The following AHRR variants were observed in gnomAD, a reference collection of about 807,000 sequenced individuals.
AHRR encodes aryl hydrocarbon receptor repressor, also known as ahR repressor.
A neutral mutation model predicts 44.0 loss-of-function variants in AHRR; 28 were observed. The observed-to-expected ratio is 0.64, with a 90% confidence interval of 0.47 to 0.87. The LOEUF (loss-of-function observed/expected upper bound fraction) is 0.87. AHRR is among the 40% of genes least tolerant of loss of function. The probability of loss-of-function intolerance (pLI) is 0.00; values close to 1 mark genes in which losing one functional copy is unlikely to be tolerated. For synonymous variants in AHRR, 434 were observed against 407.0 expected (o/e 1.07, Z -0.80); for missense variants, 990 against 953.9 (o/e 1.04, Z -0.50).
Position 387,614 on chromosome 5 carries a change from G to A in AHRR, c.351+10898G>A, listed in dbSNP as rs1734221449. On this transcript the variant is annotated intron_variant, in intron 4 of 10. Transcript: ENST00000684583. The surrounding 1 kb of genome is among the most constrained non-coding windows in gnomAD (Gnocchi z 5.1). ...GGATGAGGCACTGTTGGAGGTCCTGGGACAGGGGCCTGACCTCCTCAGCCT... is the reference window on the plus strand; with the variant it reads ...GGATGAGGCACTGTTGGAGGTCCTGAGACAGGGGCCTGACCTCCTCAGCCT... 6.6e-6 allele frequency among the ~76,000 whole-genome samples: 1 copy of A among 152,224 alleles called. No individual in the cohort carries two copies. The highest frequency in any genetic ancestry group is 1.5e-5 in the Non-Finnish European group (1 of 68,030).
chr5:394,885 G>T (rs574479371), intron 4 of AHRR, among the ~76,000 whole-genome samples: 2 of 152,328 alleles, frequency 1.3e-5, no homozygotes, highest in Admixed American at 1.3e-4. Flanking sequence ...GTCCTCCCCA[G>T]CCTGGGGGTT....
At position 421,842 on chromosome 5, in the gene AHRR, TGTTA is replaced by T. The variant is rs1736139532; in HGVS notation, c.442-882_442-879del. Among the ~76,000 whole-genome samples the T allele has an allele frequency of 4.6e-5, 7 of 152,330 alleles. 1 individual carries two copies. In the South Asian group the frequency reaches 1.2e-3, roughly 27 times the overall value. On this transcript the variant is annotated intron_variant, in intron 5 of 10. Coordinates refer to ENST00000684583, the MANE Select transcript of AHRR (RefSeq NM_001377236.1). ...GATGCTCGTCCCTTTAGGGTGAGTTTGTTAGTTACATTCCTCTGAAGTCTTGACT... is the reference window on the plus strand; with the variant it reads ...GATGCTCGTCCCTTTAGGGTGAGTTTGTTACATTCCTCTGAAGTCTTGACT...
intron 2 of AHRR, among the ~76,000 whole-genome samples, chr5:351,678 C>T (rs184279128): frequency 7.9e-5 from 12 of 152,304 alleles, no homozygotes; most frequent in Admixed American, 2.0e-4. Context: ...GGCTTAGCGA[C>T]GGCCCTAAGT....
intron 4 of AHRR, among the ~76,000 whole-genome samples, chr5:391,368 G>A (rs1346899061): frequency 7.0e-5 from 8 of 113,502 alleles, no homozygotes; most frequent in Non-Finnish European, 1.4e-4. Flanking sequence ...GGGCCAGAGC[G>A]TGCATGGGCG....
At chr5:415,415 G>A in intron 5 of AHRR, among the ~76,000 whole-genome samples, 1 of 136,260 alleles carries the variant, frequency 7.3e-6, no homozygotes, top group Non-Finnish European at 1.5e-5. Context: ...TCGGGTGGGA[G>A]GCCTAGGGGC....
At chr5:365,655 C>A (rs1398778148) in intron 3 of AHRR, among the ~76,000 whole-genome samples, 1 of 151,764 alleles carries the variant, frequency 6.6e-6, no homozygotes, top group Non-Finnish European at 1.5e-5. Flanking sequence ...ATAAACTTTA[C>A]AAAGATCTGG....
chr5:363,431 G>A (rs1191547498), intron 3 of AHRR, among the ~76,000 whole-genome samples: 3 of 152,164 alleles, frequency 2.0e-5, no homozygotes, highest in African/African-American at 7.2e-5. Context: ...CTAGGTGGCC[G>A]TGGTACCTCT....
intron 4 of AHRR, among the ~76,000 whole-genome samples, chr5:401,999 A>G (rs1429455329): frequency 6.6e-6 from 1 of 152,218 alleles, no homozygotes; most frequent in Non-Finnish European, 1.5e-5. Context: ...GAAACCGTCA[A>G]CACAATGAAG....
intron 5 of AHRR, chr5:422,487 G>A (rs1736172639): frequency 1.9e-6 from 1 of 538,154 alleles, no homozygotes; most frequent in Non-Finnish European, 3.3e-6. Flanking sequence ...TGCCCCGAAA[G>A]GCTGGATGTG....
At chr5:429,529 G>A (rs1403702006) in intron 8 of AHRR, among the ~76,000 whole-genome samples, 2 of 152,214 alleles carry the variant, frequency 1.3e-5, no homozygotes, top group East Asian at 3.9e-4. Flanking sequence ...TTGGCTGTCG[G>A]TGAGGTGCTC....
chr5:359,391 G>A (rs539777461), intron 3 of AHRR, among the ~76,000 whole-genome samples: 2 of 111,036 alleles, frequency 1.8e-5, no homozygotes, highest in Non-Finnish European at 4.5e-5. Flanking sequence ...GAGCGCCCGC[G>A]AGTGGAGGCC....
rs1312016895 is a variant in AHRR, at chr5:388,953, G to C, written c.351+12237G>C. 1.3e-5 allele frequency among the ~76,000 whole-genome samples: 2 copies of C among 152,176 alleles called. No individual in the cohort carries two copies. Among genetic ancestry groups the C allele is most frequent in the South Asian group, 2.1e-4 (1 of 4,824 alleles). On this transcript the variant is annotated intron_variant, in intron 4 of 10. Coordinates refer to ENST00000684583, the MANE Select transcript of AHRR (RefSeq NM_001377236.1). This position sits in a 1 kb window ranked among gnomAD's most constrained non-coding sequence, Gnocchi z 5.2. ...AAGATGGAGCCGAGTGAGGACCCAA[G>C]AGCAAAGGGCCCCAAGCAGTTGTCA...
At chr5:412,123 C>T (rs1053403194) in intron 4 of AHRR, among the ~76,000 whole-genome samples, 2 of 152,188 alleles carry the variant, frequency 1.3e-5, no homozygotes, top group Non-Finnish European at 2.9e-5. Context: ...CCATCTGCTC[C>T]CTCCAAAATC....
At position 405,788 on chromosome 5, in the gene AHRR, T is replaced by C. The variant is rs947376280; in HGVS notation, c.352-7556T>C. On this transcript the variant is annotated intron_variant, in intron 4 of 10. Coordinates refer to ENST00000684583, the MANE Select transcript of AHRR (RefSeq NM_001377236.1). The surrounding 1 kb of genome is among the most constrained non-coding windows in gnomAD (Gnocchi z 4.5). Reference sequence around the variant, plus strand: ...AGTTGGTCTTTGACAAGTGTTTCTTTTATATTTTCACGGCACGTGTGACTT... The same window carrying C: ...AGTTGGTCTTTGACAAGTGTTTCTTCTATATTTTCACGGCACGTGTGACTT... Among the ~76,000 whole-genome samples, 3 of 152,250 alleles carry C rather than the reference T, an allele frequency of 2.0e-5. No individual in the cohort carries two copies. Among genetic ancestry groups the C allele is most frequent in the Admixed American group, 6.5e-5 (1 of 15,290 alleles).
chr5:367,432 T>C (rs533850747), intron 3 of AHRR, among the ~76,000 whole-genome samples: 69 of 152,372 alleles, frequency 4.5e-4, no homozygotes, highest in African/African-American at 1.5e-3. Flanking sequence ...CCGCCCATCA[T>C]GACCACCCTG....
chr5:363,104 C>T (rs181220422), intron 3 of AHRR, among the ~76,000 whole-genome samples: 19 of 152,360 alleles, frequency 1.2e-4, no homozygotes. Context: ...TCTTCCCAAC[C>T]TCACCTGGTG....
chr5:434,345 G>A lies in AHRR; in HGVS notation c.1605G>A (p.Met535Ile). ...PTLLLDVSIKMEKDSGCEGAA... is the reference protein window; with the variant it reads ...PTLLLDVSIKIEKDSGCEGAA... ...TGCTGCTAGATGTGTCCATCAAGATGGAGAAGGACTCTGGGTGTGAGGGTG... is the reference window on the plus strand; with the variant it reads ...TGCTGCTAGATGTGTCCATCAAGATAGAGAAGGACTCTGGGTGTGAGGGTG... Residue 535 changes from methionine (M) to isoleucine (I), a missense_variant, in exon 11 of 11, where the codon ATG (methionine) becomes ATA (isoleucine). Transcript: ENST00000684583. 6.2e-7 allele frequency: 1 copy of A among 1,613,066 alleles called. No homozygotes were observed. The highest frequency in any genetic ancestry group is 1.1e-5 in the South Asian group (1 of 90,996).
rs1737009507 is a variant in AHRR at position 435,920 on chromosome 5, C to T, written c.*1086C>T. 1.3e-5 allele frequency: 2 copies of T among 152,820 alleles called. No individual in the cohort carries two copies. Among genetic ancestry groups the T allele is most frequent in the Non-Finnish European group, 1.5e-5 (1 of 68,072 alleles). The allele number at this position is 152,820 out of a possible 1,614,324, so 9.5% of individuals were successfully genotyped here. On this transcript the variant is annotated 3_prime_UTR_variant, in exon 11 of 11. Coordinates refer to ENST00000684583, the MANE Select transcript of AHRR (RefSeq NM_001377236.1). ...CAGAAAGTGAAGGTCACCAATCCAC[C>T]AACCCGAGAACCTACAGCTGATGGT...
chr5:346,764 G>A (rs1742691654), intron 2 of AHRR, among the ~76,000 whole-genome samples: 1 of 152,194 alleles, frequency 6.6e-6, no homozygotes, highest in African/African-American at 2.4e-5. Flanking sequence ...TGCAGCATCA[G>A]CCAGGATGCT....
Sources: gnomAD v4.1 joint callset for allele counts (sites outside exome capture counted in the v4.1 genomes callset) on GRCh38, gnomAD v4.1.1 for gene constraint, Gnocchi (gnomAD v3.1) non-coding constraint, MANE v1.5 for transcripts, NCBI Gene and HGNC (gene_info 2026-07-23, HGNC 2026-07-21) for gene names.